The following EXOC6B variants were observed in gnomAD, a reference collection of about 807,000 sequenced individuals.
EXOC6B encodes SEC15 homolog B.
A neutral mutation model predicts 113.5 loss-of-function variants in EXOC6B; 54 were observed. The ratio of observed to expected loss-of-function variants is 0.48; its 90% CI spans 0.38 to 0.60. The LOEUF is 0.60. Ranked by LOEUF, EXOC6B falls within the 20% of genes least tolerant of loss-of-function variation. The probability of loss-of-function intolerance (pLI) is 0.00; values close to 1 mark genes in which losing one functional copy is unlikely to be tolerated. For missense variants in EXOC6B, 797 were observed against 977.5 expected, an observed-to-expected ratio of 0.82 and a Z score of 2.46; for synonymous variants, 357 against 339.0, an observed-to-expected ratio of 1.05 and a Z score of -0.58.
intron 6 of EXOC6B, among the ~76,000 whole-genome samples, chr2:72,607,908 GAATTCC>G (rs1670849108): frequency 6.6e-6 from 1 of 151,934 alleles, no homozygotes; most frequent in African/African-American, 2.4e-5. Flanking sequence ...GAAAGGAAAA[GAATTCC>G]AATTCACAGT....
intron 1 of EXOC6B, among the ~76,000 whole-genome samples, chr2:72,819,611 C>G (rs1364159320): frequency 6.6e-6 from 1 of 152,092 alleles, no homozygotes; most frequent in Non-Finnish European, 1.5e-5. Flanking sequence ...AATAGGCTAA[C>G]CACTAAACTA....
chr2:72,789,199 C>T (rs1684539105), intron 1 of EXOC6B, among the ~76,000 whole-genome samples: 1 of 152,152 alleles, frequency 6.6e-6, no homozygotes, highest in South Asian at 2.1e-4. Context: ...CTCCCAAAAT[C>T]CCAAAGGAAC....
chr2:72,494,943 G>T (rs1699954610), intron 15 of EXOC6B, among the ~76,000 whole-genome samples: 1 of 152,104 alleles, frequency 6.6e-6, no homozygotes, highest in African/African-American at 2.4e-5. Context: ...GAGCAATAGT[G>T]TTTCCAAAGG....
intron 6 of EXOC6B, among the ~76,000 whole-genome samples, chr2:72,713,404 A>G (rs1679392969): frequency 6.6e-6 from 1 of 152,176 alleles, no homozygotes; most frequent in Non-Finnish European, 1.5e-5. Flanking sequence ...CAGGAGGAAT[A>G]TAAGAACAAG....
At chr2:72,535,666 A>G (rs1283278353) in intron 8 of EXOC6B, among the ~76,000 whole-genome samples, 3 of 152,068 alleles carry the variant, frequency 2.0e-5, no homozygotes, top group Admixed American at 2.0e-4. Context: ...TGAGGTCGAG[A>G]GTTCAAGACC....
chr2:72,791,849 T>A (rs1271778724), intron 1 of EXOC6B, among the ~76,000 whole-genome samples: 2 of 152,184 alleles, frequency 1.3e-5, no homozygotes, highest in Admixed American at 1.3e-4. Context: ...ATATAATGAA[T>A]CAACATGAAA....
At chr2:72,235,443 A>G (rs1427720464) in intron 20 of EXOC6B, among the ~76,000 whole-genome samples, 3 of 152,146 alleles carry the variant, frequency 2.0e-5, no homozygotes, top group African/African-American at 7.2e-5. Flanking sequence ...TCGAAAAACT[A>G]CCTATTGGGT....
Position 72,805,743 on chromosome 2 carries a change from C to T in EXOC6B, c.113+20055G>A, listed in dbSNP as rs74987324. 1.2e-4 allele frequency among the ~76,000 whole-genome samples: 19 copies of T among 152,200 alleles called. No homozygotes were observed. In the East Asian group the frequency reaches 3.5e-3, roughly 28 times the overall value. ...GGTCTCTTAAAGATTTTCATCTTGT[C>T]TAACTGAAACTTAACATACTTTGAC... On this transcript the variant is annotated intron_variant, in intron 1 of 21. Coordinates refer to ENST00000272427, the MANE Select transcript of EXOC6B (RefSeq NM_015189.3).
intron 6 of EXOC6B, among the ~76,000 whole-genome samples, chr2:72,649,861 A>G (rs1674027949): frequency 6.6e-6 from 1 of 152,146 alleles, no homozygotes; most frequent in African/African-American, 2.4e-5. Flanking sequence ...AATTTCATAA[A>G]CATAAGCAAA....
intron 18 of EXOC6B, among the ~76,000 whole-genome samples, chr2:72,407,728 G>A (rs1291561338): frequency 6.6e-6 from 1 of 152,216 alleles, no homozygotes; most frequent in Non-Finnish European, 1.5e-5. Flanking sequence ...AATAATAAAA[G>A]CTATCTATGA....
At chr2:72,641,508 G>C (rs1455027277) in intron 6 of EXOC6B, among the ~76,000 whole-genome samples, 2 of 152,270 alleles carry the variant, frequency 1.3e-5, no homozygotes, top group African/African-American at 4.8e-5. Flanking sequence ...CCTGGCAACG[G>C]GAGGGGTATC....
chr2:72,372,652 T>C (rs1279245633), intron 19 of EXOC6B, among the ~76,000 whole-genome samples: 1 of 152,088 alleles, frequency 6.6e-6, no homozygotes, highest in South Asian at 2.1e-4. Flanking sequence ...GAGACCATCC[T>C]GGCTAACATG....
intron 1 of EXOC6B, among the ~76,000 whole-genome samples, chr2:72,780,575 G>C (rs1391981863): frequency 6.6e-6 from 1 of 152,082 alleles, no homozygotes; most frequent in Non-Finnish European, 1.5e-5. Context: ...CATGTAACTT[G>C]GCAAGCTGTC....
chr2:72,366,508 G>A (rs1224745411), intron 19 of EXOC6B, among the ~76,000 whole-genome samples: 2 of 152,012 alleles, frequency 1.3e-5, no homozygotes. Context: ...ACACAAAGGA[G>A]AGATAGAAAA....
intron 1 of EXOC6B, among the ~76,000 whole-genome samples, chr2:72,782,526 T>C (rs1293818918): frequency 6.6e-6 from 1 of 152,190 alleles, no homozygotes; most frequent in Non-Finnish European, 1.5e-5. Flanking sequence ...TTCCCATATG[T>C]TGGGAAAATT....
At chr2:72,639,428 G>A (rs991490635) in intron 6 of EXOC6B, among the ~76,000 whole-genome samples, 7 of 152,150 alleles carry the variant, frequency 4.6e-5, no homozygotes, top group Non-Finnish European at 7.3e-5. Flanking sequence ...CAAGGGCCCC[G>A]TACACCCCCA....
At chr2:72,797,111 A>G (rs552208495) in intron 1 of EXOC6B, among the ~76,000 whole-genome samples, 1 of 152,332 alleles carries the variant, frequency 6.6e-6, no homozygotes, top group Non-Finnish European at 1.5e-5. Context: ...TATGAGCATC[A>G]TCATGCTCCT....
chr2:72,783,182 T>TG (rs1428685694), intron 1 of EXOC6B, among the ~76,000 whole-genome samples: 4 of 134,708 alleles, frequency 3.0e-5, no homozygotes, highest in Admixed American at 7.4e-5. Flanking sequence ...ATCTGTTTGT[T>TG]GGGGTTTTTT....
At chr2:72,488,906 G>A (rs1442509801) in intron 16 of EXOC6B, among the ~76,000 whole-genome samples, 1 of 152,020 alleles carries the variant, frequency 6.6e-6, no homozygotes, top group East Asian at 1.9e-4. Context: ...AAAGCAAAAG[G>A]CTTTACGACG....
Sources: gnomAD v4.1 joint callset for allele counts (sites outside exome capture counted in the v4.1 genomes callset) on GRCh38, gnomAD v4.1.1 for gene constraint, MANE v1.5 for transcripts, NCBI Gene and HGNC (gene_info 2026-07-23, HGNC 2026-07-21) for gene names.